Variants in CALN1 observed in about 807,000 individuals in gnomAD.
CALN1 encodes the protein calcium-binding protein 8.
Under a neutral mutation model 30.6 loss-of-function variants are expected in CALN1, and 17 were observed. The observed-to-expected ratio is 0.56, with a 90% confidence interval of 0.38 to 0.83. The LOEUF (loss-of-function observed/expected upper bound fraction) is 0.83, where lower values mean the gene tolerates loss of function less well. Among genes scored for constraint, CALN1 ranks in the 40% least tolerant of loss-of-function variants. The probability of loss-of-function intolerance (pLI) is 0.00; values close to 1 mark genes in which losing one functional copy is unlikely to be tolerated. For synonymous variants in CALN1, 156 were observed against 131.4 expected, an observed-to-expected ratio of 1.19 and a Z score of -1.28; for missense variants, 291 against 354.9, an observed-to-expected ratio of 0.82 and a Z score of 1.45.
intron 5 of CALN1, among the ~76,000 whole-genome samples, chr7:71,921,896 CA>C (rs34560021): frequency 0.083 from 12,530 of 151,516 alleles, 730 homozygotes; most frequent in East Asian, 0.29. Context: ...TTATTTTCTT[CA>C]AAAAGTTGTC....
intron 3 of CALN1, among the ~76,000 whole-genome samples, chr7:72,219,941 A>T (rs139729428): frequency 3.0e-4 from 46 of 152,290 alleles, no homozygotes; most frequent in African/African-American, 1.1e-3. Context: ...TTAGCCTCCT[A>T]TAAAAAAAAA....
intron 5 of CALN1, among the ~76,000 whole-genome samples, chr7:71,971,422 C>T (rs1273174725): frequency 2.0e-5 from 3 of 152,192 alleles, no homozygotes; most frequent in Non-Finnish European, 4.4e-5. Flanking sequence ...TGCACTCCAG[C>T]CTGGGCAACA....
intron 3 of CALN1, among the ~76,000 whole-genome samples, chr7:72,141,204 G>A (rs1435115713): frequency 6.6e-6 from 1 of 152,064 alleles, no homozygotes; most frequent in African/African-American, 2.4e-5. Flanking sequence ...AGGCTGAGGT[G>A]GGAGCATCAC....
At chr7:71,902,747 G>C (rs545593550) in intron 5 of CALN1, among the ~76,000 whole-genome samples, 258 of 152,068 alleles carry the variant, frequency 1.7e-3, no homozygotes, top group Non-Finnish European at 2.3e-3. Context: ...AATTCATAAA[G>C]AAGTATTGCA....
chr7:72,267,048 G>A (rs527380477), intron 3 of CALN1, among the ~76,000 whole-genome samples: 3 of 152,250 alleles, frequency 2.0e-5, no homozygotes, highest in Admixed American at 2.0e-4. Flanking sequence ...TAGGTTTTAG[G>A]CTTCCTCTGG....
intron 5 of CALN1, among the ~76,000 whole-genome samples, chr7:71,962,075 T>G (rs1797275098): frequency 6.7e-6 from 1 of 149,790 alleles, no homozygotes; most frequent in African/African-American, 2.4e-5. Flanking sequence ...AAGATGCAAG[T>G]GCAAGATAGG....
chr7:72,106,698 G>GAGGA (rs199833691), intron 3 of CALN1, among the ~76,000 whole-genome samples: 2,128 of 23,162 alleles, frequency 0.092, 655 homozygotes, highest in East Asian at 0.51. Flanking sequence ...GCAAGGGAGG[G>GAGGA]AGGAAGGGAG....
At chr7:72,503,515 T>C in the CALN1 span, among the ~76,000 whole-genome samples, 1 of 152,190 alleles carries the variant, frequency 6.6e-6, no homozygotes, top group Non-Finnish European at 1.5e-5. Flanking sequence ...GGTTCGGACA[T>C]GCAGCTCAGC....
At chr7:71,812,753 A>C (rs1034954837) in intron 5 of CALN1, among the ~76,000 whole-genome samples, 1 of 151,280 alleles carries the variant, frequency 6.6e-6, no homozygotes, top group African/African-American at 2.4e-5. Flanking sequence ...TTCTAGTTCT[A>C]TTTTTTTAGA....
rs996556668 is a variant in CALN1 at position 72,399,602 on chromosome 7, C to A, written c.119+3649G>T. ...TGCTTTTGTTCCGTAAGTCACAGTT[C>A]ACTAATTTGAGTCTTGTAGGGATCA... On this transcript the variant is annotated intron_variant, in intron 2 of 6. Transcript: ENST00000395275. Among the ~76,000 whole-genome samples, 4 of 152,196 alleles carry A rather than the reference C, an allele frequency of 2.6e-5. No individual in the cohort carries two copies. In the East Asian group the frequency reaches 7.7e-4, roughly 29 times the overall value.
intron 5 of CALN1, among the ~76,000 whole-genome samples, chr7:71,917,751 A>G (rs1794754311): frequency 6.6e-6 from 1 of 152,092 alleles, no homozygotes; most frequent in South Asian, 2.1e-4. Flanking sequence ...AATTACCTCC[A>G]CCTGGTCCCA....
intron 3 of CALN1, among the ~76,000 whole-genome samples, chr7:72,170,426 AAGTCAAC>A (rs1184678129): frequency 6.6e-6 from 1 of 152,230 alleles, no homozygotes; most frequent in African/African-American, 2.4e-5. Context: ...GGTCCTATAT[AAGTCAAC>A]CAGATGAGCA....
intron 5 of CALN1, among the ~76,000 whole-genome samples, chr7:71,864,861 G>T (rs1469853247): frequency 1.3e-5 from 2 of 152,030 alleles, no homozygotes; most frequent in Non-Finnish European, 2.9e-5. Flanking sequence ...AATTAGCCAG[G>T]CATGGTGGAA....
intron 2 of CALN1, among the ~76,000 whole-genome samples, chr7:72,327,123 T>C (rs1234308143): frequency 6.6e-6 from 1 of 152,212 alleles, no homozygotes; most frequent in Non-Finnish European, 1.5e-5. Flanking sequence ...GCCCAGTCTG[T>C]AGGATGAGAC....
chr7:71,971,995 GAAAGAAAGAAAAAAAGAAAGA>G (rs1797861656), intron 5 of CALN1, among the ~76,000 whole-genome samples: 1 of 96,854 alleles, frequency 1.0e-5, no homozygotes, highest in Non-Finnish European at 2.2e-5. Context: ...GAAAGAAAGA[GAAAGAAAGAAAAAAAGAAAGA>G]AAAGAAAGAA....
At chr7:71,958,279 A>G (rs1797069697) in intron 5 of CALN1, among the ~76,000 whole-genome samples, 1 of 151,906 alleles carries the variant, frequency 6.6e-6, no homozygotes. Flanking sequence ...CCCAGTATCT[A>G]CTGTTCCCCT....
intron 5 of CALN1, among the ~76,000 whole-genome samples, chr7:71,919,847 C>G (rs182529447): frequency 6.6e-6 from 1 of 152,186 alleles, no homozygotes; most frequent in East Asian, 1.9e-4. Context: ...AAGCTGAACT[C>G]AAACTAAAAG....
intron 2 of CALN1, among the ~76,000 whole-genome samples, chr7:72,339,198 C>T (rs762851375): frequency 2.8e-4 from 43 of 152,154 alleles, no homozygotes; most frequent in Non-Finnish European, 1.0e-4. Flanking sequence ...ACATGTCCCA[C>T]ATTTTCTTTA....
intron 2 of CALN1, among the ~76,000 whole-genome samples, chr7:72,316,135 A>T (rs1023582150): frequency 6.8e-6 from 1 of 146,724 alleles, no homozygotes; most frequent in Admixed American, 7.1e-5. Flanking sequence ...CAGATGACAG[A>T]TTATGTCTTT....
Sources: gnomAD v4.1 joint callset for allele counts (sites outside exome capture counted in the v4.1 genomes callset) on GRCh38, gnomAD v4.1.1 for gene constraint, MANE v1.5 for transcripts, NCBI Gene and HGNC (gene_info 2026-07-23, HGNC 2026-07-21) for gene names.